Variants in FHIT observed in about 807,000 individuals in gnomAD.
FHIT encodes bis(5'-adenosyl)-triphosphatase.
In FHIT, 19 loss-of-function variants were observed where a neutral mutation model predicts 17.9. The observed-to-expected ratio is 1.06, with a 90% CI of 0.74 to 1.56. The LOEUF (loss-of-function observed/expected upper bound fraction) is 1.56. Ranked by LOEUF, FHIT falls within the 40% of genes most tolerant of loss-of-function variation. FHIT has a pLI of 0.00. For missense variants in FHIT, 248 were observed against 189.2 expected, an observed-to-expected ratio of 1.31 and a Z score of -1.82; for synonymous variants, 81 against 69.7, an observed-to-expected ratio of 1.16 and a Z score of -0.81.
intron 3 of FHIT, among the ~76,000 whole-genome samples, chr3:60,989,121 C>T (rs1488580925): frequency 6.6e-6 from 1 of 151,922 alleles, no homozygotes; most frequent in Admixed American, 6.6e-5. Flanking sequence ...GGACAGCATA[C>T]CCCCATGAAG....
chr3:60,456,415 A>C (rs1433020249), intron 5 of FHIT, among the ~76,000 whole-genome samples: 3 of 152,194 alleles, frequency 2.0e-5, no homozygotes, highest in African/African-American at 7.2e-5. Context: ...CTTCAGACAT[A>C]ATTGTCACTT....
chr3:61,225,914 C>T (rs1576259800), intron 1 of FHIT, among the ~76,000 whole-genome samples: 1 of 152,228 alleles, frequency 6.6e-6, no homozygotes, highest in South Asian at 2.1e-4. Flanking sequence ...GTCATTGATA[C>T]AGTATGATCT....
chr3:60,878,276 A>G (rs1362468152), intron 3 of FHIT, among the ~76,000 whole-genome samples: 4 of 152,072 alleles, frequency 2.6e-5, no homozygotes, highest in Admixed American at 2.6e-4. Context: ...AAGAGCCACA[A>G]TAGGCTTGTG....
chr3:60,356,744 A>G (rs1699668372), intron 5 of FHIT, among the ~76,000 whole-genome samples: 1 of 128,938 alleles, frequency 7.8e-6, no homozygotes, highest in Non-Finnish European at 1.6e-5. Context: ...TATAGCAGGA[A>G]GACAGAGACA....
intron 7 of FHIT, among the ~76,000 whole-genome samples, chr3:59,966,944 CAT>C (rs1366753809): frequency 6.6e-6 from 1 of 152,140 alleles, no homozygotes; most frequent in African/African-American, 2.4e-5. Context: ...TTTGTAATAA[CAT>C]GTAGCTTAAA....
At chr3:60,013,096 A>C (rs150721186) in intron 6 of FHIT, among the ~76,000 whole-genome samples, 52 of 152,332 alleles carry the variant, frequency 3.4e-4, no homozygotes, top group African/African-American at 1.2e-3. Flanking sequence ...GCAGCAAAAA[A>C]AGAAAGAAAA....
intron 3 of FHIT, among the ~76,000 whole-genome samples, chr3:60,956,883 A>G (rs933208350): frequency 1.3e-5 from 2 of 151,386 alleles, no homozygotes; most frequent in African/African-American, 4.9e-5. Context: ...TCAGCGTCCT[A>G]CAAAAAATGA....
At chr3:60,023,991 T>TAA (rs34799084) in intron 5 of FHIT, among the ~76,000 whole-genome samples, 38,554 of 147,630 alleles carry the variant, frequency 0.26, 5,159 homozygotes, top group East Asian at 0.47. Flanking sequence ...TACTTCATGG[T>TAA]AAAAAAAAAA....
chr3:60,165,933 G>A (rs764371223), intron 5 of FHIT, among the ~76,000 whole-genome samples: 5 of 152,010 alleles, frequency 3.3e-5, no homozygotes, highest in Non-Finnish European at 5.9e-5. Context: ...TTTTTTCACC[G>A]GACATCTATG....
chr3:60,171,475 G>T (rs1576245725), intron 5 of FHIT, among the ~76,000 whole-genome samples: 1 of 152,150 alleles, frequency 6.6e-6, no homozygotes, highest in East Asian at 1.9e-4. Context: ...CAAAGAAGAT[G>T]ACTAATTGTG....
chr3:60,202,585 G>C (rs937285461), intron 5 of FHIT, among the ~76,000 whole-genome samples: 2 of 152,146 alleles, frequency 1.3e-5, no homozygotes, highest in Non-Finnish European at 2.9e-5. Context: ...TCTGGAAAAG[G>C]ATGCTATAAA....
Position 60,698,497 on chromosome 3 carries a change from G to A in FHIT, c.-18+123422C>T, listed in dbSNP as rs527514602. ...TGCAAACCTCACCCCCAAACAAACC[G>A]CATAAAGTAAATGTGTTAGTGAAGA... On this transcript the variant is annotated intron_variant, in intron 4 of 9. Coordinates refer to ENST00000492590, the MANE Select transcript of FHIT (RefSeq NM_002012.4). 1.3e-4 allele frequency among the ~76,000 whole-genome samples: 20 copies of A among 152,200 alleles called. No homozygotes were observed. In the South Asian group the frequency reaches 2.5e-3, roughly 19 times the overall value.
intron 3 of FHIT, among the ~76,000 whole-genome samples, chr3:61,005,341 G>A (rs972686527): frequency 6.6e-6 from 1 of 152,058 alleles, no homozygotes; most frequent in African/African-American, 2.4e-5. Flanking sequence ...TCTAACTTAG[G>A]GCTTGCCACA....
intron 5 of FHIT, among the ~76,000 whole-genome samples, chr3:60,124,039 G>GACAGAGAGAGAGAGAGAC (rs1559653884): frequency 8.8e-6 from 1 of 113,824 alleles, no homozygotes; most frequent in Non-Finnish European, 1.8e-5. Flanking sequence ...GAGAGAGAGA[G>GACAGAGAGAGAGAGAGAC]AGAGAGAGAG....
intron 5 of FHIT, among the ~76,000 whole-genome samples, chr3:60,272,434 G>T (rs1379620282): frequency 1.3e-5 from 2 of 152,054 alleles, no homozygotes; most frequent in Non-Finnish European, 2.9e-5. Context: ...ATCATCACAT[G>T]TCAGAAAAGT....
chr3:60,850,918 CCA>C (rs1377808119), intron 3 of FHIT, among the ~76,000 whole-genome samples: 1 of 152,034 alleles, frequency 6.6e-6, no homozygotes, highest in Non-Finnish European at 1.5e-5. Context: ...GTGAATGTCC[CCA>C]CATACCTATA....
chr3:59,769,989 G>A (rs923815029), intron 8 of FHIT, among the ~76,000 whole-genome samples: 1 of 152,182 alleles, frequency 6.6e-6, no homozygotes, highest in Non-Finnish European at 1.5e-5. Context: ...ACTGCTCTAT[G>A]CATTGCCTTT....
At chr3:60,932,987 T>G (rs1192226347) in intron 3 of FHIT, among the ~76,000 whole-genome samples, 1 of 152,164 alleles carries the variant, frequency 6.6e-6, no homozygotes, top group East Asian at 1.9e-4. Flanking sequence ...AAAGATACAG[T>G]TATAAGTATG....
intron 5 of FHIT, among the ~76,000 whole-genome samples, chr3:60,269,766 T>G (rs576284882): frequency 6.6e-6 from 1 of 152,134 alleles, no homozygotes; most frequent in African/African-American, 2.4e-5. Context: ...GATAGAAATG[T>G]TGGAACAAAT....
Sources: gnomAD v4.1 joint callset for allele counts (sites outside exome capture counted in the v4.1 genomes callset) on GRCh38, gnomAD v4.1.1 for gene constraint, MANE v1.5 for transcripts, NCBI Gene and HGNC (gene_info 2026-07-23, HGNC 2026-07-21) for gene names.